The following FXR1 variants were observed in gnomAD, a reference collection of about 807,000 sequenced individuals.
FXR1 encodes the protein RNA-binding protein FXR1.
Under a neutral mutation model 84.0 loss-of-function variants are expected in FXR1, and 15 were observed. The observed-to-expected ratio is 0.18, with a 90% CI of 0.12 to 0.27. FXR1 has a LOEUF of 0.27. Ranked by LOEUF, FXR1 falls within the 10% of genes least tolerant of loss-of-function variation. The probability of loss-of-function intolerance (pLI) is 1.00; values close to 1 mark genes in which losing one functional copy is unlikely to be tolerated. For missense variants in FXR1, 480 were observed against 774.4 expected (o/e 0.62, Z 4.51); for synonymous variants, 245 against 250.7 (o/e 0.98, Z 0.21).
chr3:180,953,108 G>A (rs1417291885), intron 8 of FXR1, among the ~76,000 whole-genome samples: 1 of 152,154 alleles, frequency 6.6e-6, no homozygotes, highest in Non-Finnish European at 1.5e-5. Context: ...CTCCCAAAGT[G>A]CAGGGATTAC....
rs1714667136 is a variant in FXR1, at chr3:180,982,644, CTTTG to C, written c.*6353_*6356del. 6.6e-6 allele frequency: 1 copy of C among 152,140 alleles called. No homozygotes were observed. The highest frequency in any genetic ancestry group is 2.4e-5 in the African/African-American group (1 of 41,446). The allele number at this position is 152,140 out of a possible 1,614,324, so 9.4% of individuals were successfully genotyped here. ...CTGTCGGCATATTATCACTATCTGTCTTTGAAAAATTTTCTTTTAAGTCTCAACT... is the reference window on the plus strand; with the variant it reads ...CTGTCGGCATATTATCACTATCTGTCAAAAATTTTCTTTTAAGTCTCAACT... On this transcript the variant is annotated 3_prime_UTR_variant, in exon 17 of 17. Coordinates refer to ENST00000357559, the MANE Select transcript of FXR1 (RefSeq NM_005087.4).
chr3:180,968,240 C>T lies in FXR1; in HGVS notation c.1388C>T (p.Ser463Phe). The T allele has an allele frequency of 1.2e-6, 2 of 1,602,962 alleles. No individual in the cohort carries two copies. The highest frequency in any genetic ancestry group is 1.7e-6 in the Non-Finnish European group (2 of 1,169,994). ...RGRGGPRGGK[S>F]SISSVLKDPD... ...CGTGGTGGACCACGTGGTGGCAAAT[C>T]CTCCATCAGTTCTGGTAGTCTTTTC... Residue 463 changes from serine to phenylalanine, a missense_variant, in exon 14 of 17, where the codon TCC becomes TTC. Physicochemically the swap from Ser to Phe is radical, Grantham distance 155. Around this residue, in one of 6 missense-constraint regions of FXR1, gnomAD observed 157 missense variants for 227.8 expected, o/e 0.69. Transcript: ENST00000357559.
intron 14 of FXR1, chr3:180,968,470 T>C (rs1312883062): frequency 4.8e-6 from 2 of 412,826 alleles, no homozygotes; most frequent in African/African-American, 4.0e-5. Context: ...GAACTTTAGT[T>C]GGCAGCTTTT....
intron 14 of FXR1, among the ~76,000 whole-genome samples, chr3:180,969,010 A>T (rs1713198466): frequency 6.6e-6 from 1 of 152,202 alleles, no homozygotes; most frequent in South Asian, 2.1e-4. Flanking sequence ...TATACCCATG[A>T]AAACTTATGT....
At chr3:180,936,140 C>T (rs1281827744) in intron 3 of FXR1, among the ~76,000 whole-genome samples, 2 of 151,316 alleles carry the variant, frequency 1.3e-5, no homozygotes, top group African/African-American at 4.9e-5. Flanking sequence ...GATCTGCCCA[C>T]TTTGTCCCCC....
intron 13 of FXR1, among the ~76,000 whole-genome samples, chr3:180,967,804 C>T (rs996002096): frequency 6.6e-6 from 1 of 151,854 alleles, no homozygotes; most frequent in African/African-American, 2.4e-5. Flanking sequence ...AAGAAGTGAG[C>T]GGCCTTCTGC....
chr3:180,970,387 T>TAA (rs1713390128), intron 15 of FXR1, 29 bp downstream of exon 15: 6 of 93,888 alleles, frequency 6.4e-5, no homozygotes, highest in African/African-American at 3.3e-4. Flanking sequence ...AAGAGAAATA[T>TAA]ATATATATAT....
At chr3:180,935,933 C>G (rs1720474111) in intron 3 of FXR1, among the ~76,000 whole-genome samples, 1 of 151,836 alleles carries the variant, frequency 6.6e-6, no homozygotes, top group Non-Finnish European at 1.5e-5. Flanking sequence ...CCCTCGTCTT[C>G]CAGGTTGCAG....
rs1193579191 is a variant in FXR1, at chr3:180,980,635, T to C, written c.*4343T>C. ...ATGTAAACATATATTTGAAATTTCA[T>C]TAACTGAAACTGCTGTAAGGTGTTA... On this transcript the variant is annotated 3_prime_UTR_variant, in exon 17 of 17. Coordinates refer to ENST00000357559, the MANE Select transcript of FXR1 (RefSeq NM_005087.4). The C allele has an allele frequency of 6.6e-6, 1 of 152,054 alleles. No homozygotes were observed. Among genetic ancestry groups the C allele is most frequent in the Non-Finnish European group, 1.5e-5 (1 of 67,938 alleles). The allele number at this position is 152,054 out of a possible 1,614,324, so 9.4% of individuals were successfully genotyped here. A position where few individuals can be genotyped will look rare whatever the true frequency, so the allele number is the denominator to read the frequency against.
chr3:180,949,206 A>T, intron 6 of FXR1, 21 bp from the exon 7 acceptor site: 1 of 1,164,822 alleles, frequency 8.6e-7, no homozygotes, highest in Non-Finnish European at 1.3e-6. Context: ...AGTTTTGAGT[A>T]ATTAGCTTGT....
At position 180,975,370 on chromosome 3, in the gene FXR1, C is replaced by A; in HGVS notation, c.1661C>A (p.Pro554Gln). 1 of 1,524,564 alleles carries A rather than the reference C, an allele frequency of 6.6e-7. No individual in the cohort carries two copies. Among genetic ancestry groups the A allele is most frequent in the Non-Finnish European group, 9.0e-7 (1 of 1,109,840 alleles). 94.4% of individuals were successfully genotyped at this position (1,524,564 alleles called of 1,614,324 possible). ...TCTCAGAGCAGACAAAGAAACCTCC[C>A]AAGGGAAACTTTGGCTAAAAACAAG... ...AESQSRQRNL[P>Q]RETLAKNKKE... The change falls in exon 16 of 17, where the codon CCA becomes CAA. Residue 554 changes from proline to glutamine, a missense_variant. Pro to Gln is a moderately conservative substitution (Grantham distance 76). Around this residue, in one of 6 missense-constraint regions of FXR1, gnomAD observed 94 missense variants for 81.8 expected, o/e 1.15. Coordinates refer to ENST00000357559, the MANE Select transcript of FXR1 (RefSeq NM_005087.4).
rs1418110713 is a variant in FXR1, at chr3:180,971,127, C to T, written c.1603+769C>T. On this transcript the variant is annotated intron_variant, in intron 15 of 16. Transcript: ENST00000357559. ...GCAATCGTAGCCGCAGGCGTCGCTTCAGGGGTCAGGCAGAAGATAGACAGC... is the reference window on the plus strand; with the variant it reads ...GCAATCGTAGCCGCAGGCGTCGCTTTAGGGGTCAGGCAGAAGATAGACAGC... 2.3e-6 allele frequency: 3 copies of T among 1,276,706 alleles called. No individual in the cohort carries two copies. The South Asian group carries it at 3.8e-5, about 16-fold the overall frequency. 79.1% of individuals were successfully genotyped at this position (1,276,706 alleles called of 1,614,324 possible).
chr3:180,947,481 G>A (rs942773128), intron 3 of FXR1, among the ~76,000 whole-genome samples: 1 of 152,136 alleles, frequency 6.6e-6, no homozygotes, highest in Non-Finnish European at 1.5e-5. Flanking sequence ...TCATATCCTC[G>A]ATGGAATTTA....
At chr3:180,959,101 C>T (rs1711737807) in intron 10 of FXR1, among the ~76,000 whole-genome samples, 1 of 151,696 alleles carries the variant, frequency 6.6e-6, no homozygotes, top group Non-Finnish European at 1.5e-5. Flanking sequence ...CCACCGTGCC[C>T]GGCCTTGACC....
chr3:180,913,902 C>T (rs1805581), intron 1 of FXR1, among the ~76,000 whole-genome samples: 10,393 of 152,160 alleles, frequency 0.068, 1,028 homozygotes, highest in African/African-American at 0.22. Flanking sequence ...TTTCAGCGTA[C>T]CTTTTATCCT....
At chr3:180,928,611 G>T (rs1560166785) in intron 1 of FXR1, among the ~76,000 whole-genome samples, 1 of 151,426 alleles carries the variant, frequency 6.6e-6, no homozygotes, top group Non-Finnish European at 1.5e-5. Context: ...GACATTTTTT[G>T]TACATAGCTT....
chr3:180,975,465 A>AT (rs1053976375), intron 16 of FXR1, 61 bp downstream of exon 16: 21 of 633,786 alleles, frequency 3.3e-5, no homozygotes, highest in East Asian at 5.9e-5. Context: ...GTTTAGCTTT[A>AT]TTTTTTTACT....
chr3:180,926,422 A>G (rs1466505506), intron 1 of FXR1, among the ~76,000 whole-genome samples: 1 of 150,482 alleles, frequency 6.6e-6, no homozygotes, highest in Admixed American at 6.6e-5. Context: ...TGGAGTCATT[A>G]AAAAGTTGGG....
intron 7 of FXR1, among the ~76,000 whole-genome samples, chr3:180,949,560 A>AT (rs1203075834): frequency 1.4e-4 from 22 of 151,808 alleles, no homozygotes; most frequent in African/African-American, 5.3e-4. Flanking sequence ...TAATTTTTGT[A>AT]TTTTAGTAGA....
Sources: allele counts gnomAD v4.1 joint callset (sites outside exome capture counted in the v4.1 genomes callset), GRCh38; gene constraint gnomAD v4.1.1; regional missense constraint gnomAD v4.1.1; transcripts MANE v1.5; gene names NCBI Gene and HGNC (gene_info 2026-07-23, HGNC 2026-07-21).